Variants in APH1B observed in about 807,000 individuals in gnomAD.
APH1B encodes aph-1B gamma-secretase subunit.
Under a neutral mutation model 28.2 loss-of-function variants are expected in APH1B, and 27 were observed. The observed-to-expected ratio is 0.96, with a 90% CI of 0.70 to 1.32. The LOEUF is 1.32. APH1B is among the 40% of genes most tolerant of loss of function. The probability of loss-of-function intolerance (pLI) is 0.00; values close to 1 mark genes in which losing one functional copy is unlikely to be tolerated. For missense variants in APH1B, 305 were observed against 313.6 expected, an observed-to-expected ratio of 0.97 and a Z score of 0.21; for synonymous variants, 141 against 124.6, an observed-to-expected ratio of 1.13 and a Z score of -0.88.
Position 63,306,088 on chromosome 15 carries a change from A to G in APH1B, c.*307A>G, listed in dbSNP as rs200506623. 4 of 262,754 alleles carry G rather than the reference A, an allele frequency of 1.5e-5. No homozygotes were observed. The highest frequency in any genetic ancestry group is 9.2e-5 in the African/African-American group (4 of 43,544). 16.3% of individuals were successfully genotyped at this position (262,754 alleles called of 1,614,324 possible). A position where few individuals can be genotyped will look rare whatever the true frequency, so the allele number is the denominator to read the frequency against. Reference sequence around the variant, plus strand: ...AGCTTCCCAGGTGATTCTGATGTGCAGCCATGTTGAGACCCACTGGTTTGG... The same window carrying G: ...AGCTTCCCAGGTGATTCTGATGTGCGGCCATGTTGAGACCCACTGGTTTGG... On this transcript the variant is annotated 3_prime_UTR_variant, in exon 6 of 6. Coordinates refer to ENST00000261879, the MANE Select transcript of APH1B (RefSeq NM_031301.4).
Position 63,287,187 on chromosome 15 carries a change from T to G in APH1B, c.356-237T>G, listed in dbSNP as rs947332366. On this transcript the variant is annotated intron_variant, in intron 3 of 5. Coordinates refer to ENST00000261879, the MANE Select transcript of APH1B (RefSeq NM_031301.4). Reference sequence around the variant, plus strand: ...TCTTCTGTGCCTTTCTAGACCCTTTTCTCCCCTTTTTCATTACTCTGCTGC... The same window carrying G: ...TCTTCTGTGCCTTTCTAGACCCTTTGCTCCCCTTTTTCATTACTCTGCTGC... The G allele has an allele frequency of 1.1e-5, 5 of 436,962 alleles. No individual in the cohort carries two copies. In the Admixed American group the frequency reaches 1.2e-4, roughly 10 times the overall value. The allele number at this position is 436,962 out of a possible 1,614,324, so 27.1% of individuals were successfully genotyped here. A position where few individuals can be genotyped will look rare whatever the true frequency, so the allele number is the denominator to read the frequency against.
intron 4 of APH1B, among the ~76,000 whole-genome samples, chr15:63,288,447 A>C (rs942385921): frequency 6.6e-6 from 1 of 152,244 alleles, no homozygotes; most frequent in Non-Finnish European, 1.5e-5. Context: ...CACCATTCGC[A>C]GTAGACCCTT....
Position 63,279,343 on chromosome 15 carries a change from A to G in APH1B, c.284+12A>G, listed in dbSNP as rs760043086. On this transcript the variant is annotated intron_variant, in intron 2 of 5. Transcript: ENST00000261879. ...TATAAACTCTTAAAGTAAGTTAAAT[A>G]CCTGCCTTACCTTTTTTTTCCCCAG... The G allele has an allele frequency of 1.9e-6, 3 of 1,573,766 alleles. No individual in the cohort carries two copies. The highest frequency in any genetic ancestry group is 2.7e-5 in the African/African-American group (2 of 73,580).
intron 1 of APH1B, chr15:63,278,192 C>G (rs951844029): frequency 6.4e-5 from 27 of 419,610 alleles, no homozygotes; most frequent in Non-Finnish European, 9.5e-6. Context: ...TGCCCACCCC[C>G]ACCCCGATCC....
At chr15:63,277,801 A>G in intron 1 of APH1B, 65 bp downstream of exon 1, 1 of 1,483,698 alleles carries the variant, frequency 6.7e-7, no homozygotes, top group Non-Finnish European at 9.2e-7. Context: ...GTTACCCGCG[A>G]CCCTCGGCGC....
In APH1B at chr15:63,295,598, T is replaced by G. The variant is rs1464261746; in HGVS notation, c.479-6747T>G. On this transcript the variant is annotated intron_variant, in intron 4 of 5. Transcript: ENST00000261879. ...CTATTGACACCTGGGGCCAGATGATTCTTGGTTGGGGGCTGACATGTGTGT... is the reference window on the plus strand; with the variant it reads ...CTATTGACACCTGGGGCCAGATGATGCTTGGTTGGGGGCTGACATGTGTGT... Among the ~76,000 whole-genome samples the G allele has an allele frequency of 2.0e-5, 3 of 152,240 alleles. No individual in the cohort carries two copies. In the East Asian group the frequency reaches 5.8e-4, roughly 29 times the overall value.
chr15:63,300,081 T>C (rs2038609744), intron 4 of APH1B, among the ~76,000 whole-genome samples: 1 of 152,144 alleles, frequency 6.6e-6, no homozygotes, highest in Non-Finnish European at 1.5e-5. Context: ...AAAGATATGC[T>C]GATGATCTAA....
Position 63,303,291 on chromosome 15 carries a change from G to A in APH1B, c.606+819G>A, listed in dbSNP as rs576431412. Among the ~76,000 whole-genome samples, 5 of 152,294 alleles carry A rather than the reference G, an allele frequency of 3.3e-5. No homozygotes were observed. The East Asian group carries it at 5.8e-4, about 18-fold the overall frequency. On this transcript the variant is annotated intron_variant, in intron 5 of 5. Transcript: ENST00000261879. ...TGCCCCCACTGAGGGTGACCATGAC[G>A]CTGGCTTCAACACCACAGCTTGGTG...
intron 4 of APH1B, among the ~76,000 whole-genome samples, chr15:63,293,373 G>A (rs1322756728): frequency 2.0e-5 from 3 of 151,950 alleles, no homozygotes; most frequent in African/African-American, 7.3e-5. Flanking sequence ...CACCATGTAG[G>A]CCAGGCTGTT....
chr15:63,277,645 G>C lies in APH1B; in HGVS notation c.22G>C (p.Gly8Arg), dbSNP rs138159419. 5 of 1,597,460 alleles carry C rather than the reference G, an allele frequency of 3.1e-6. No homozygotes were observed. The highest frequency in any genetic ancestry group is 4.3e-6 in the Non-Finnish European group (5 of 1,172,798). The change falls in exon 1 of 6, where the codon GGC becomes CGC. Residue 8 changes from glycine to arginine, a missense_variant. Transcript: ENST00000261879. MTAAVFFGCAFIAFGPAL... is the reference protein window; with the variant it reads MTAAVFFRCAFIAFGPAL... ...GGCCATGACTGCGGCCGTGTTCTTC[G>C]GCTGCGCCTTCATTGCCTTCGGGCC...
At chr15:63,299,862 C>CG (rs1567032131) in intron 4 of APH1B, among the ~76,000 whole-genome samples, 1 of 151,754 alleles carries the variant, frequency 6.6e-6, no homozygotes, top group African/African-American at 2.4e-5. Flanking sequence ...GGCCAGAAAA[C>CG]GGAGAAGGTG....
In APH1B at chr15:63,307,444, G is replaced by A. The variant is rs2038697978; in HGVS notation, c.*1663G>A. 1 of 152,208 alleles carries A rather than the reference G, an allele frequency of 6.6e-6. No individual in the cohort carries two copies. Among genetic ancestry groups the A allele is most frequent in the South Asian group, 2.1e-4 (1 of 4,830 alleles). The allele number at this position is 152,208 out of a possible 1,614,324, so 9.4% of individuals were successfully genotyped here. Reference sequence around the variant, plus strand: ...GTAAACAGTCTGATAAGCGACTGTGGTTATTCCCCTAAAGTTTACTTCAGC... The same window carrying A: ...GTAAACAGTCTGATAAGCGACTGTGATTATTCCCCTAAAGTTTACTTCAGC... On this transcript the variant is annotated 3_prime_UTR_variant, in exon 6 of 6. Transcript: ENST00000261879.
Position 63,308,355 on chromosome 15 carries a change from T to G in APH1B, c.*2574T>G, listed in dbSNP as rs1416229513. On this transcript the variant is annotated 3_prime_UTR_variant, in exon 6 of 6. Coordinates refer to ENST00000261879, the MANE Select transcript of APH1B (RefSeq NM_031301.4). Reference sequence around the variant, plus strand: ...GAATTACTAGTTATAACTGGAGAAATTTTGTTACCTCTATCCTGGCTTGCC... The same window carrying G: ...GAATTACTAGTTATAACTGGAGAAAGTTTGTTACCTCTATCCTGGCTTGCC... 1 of 152,216 alleles carries G rather than the reference T, an allele frequency of 6.6e-6. No homozygotes were observed. The highest frequency in any genetic ancestry group is 2.4e-5 in the African/African-American group (1 of 41,462). 9.4% of individuals were successfully genotyped at this position (152,216 alleles called of 1,614,324 possible). A position where few individuals can be genotyped will look rare whatever the true frequency, so the allele number is the denominator to read the frequency against.
chr15:63,287,436 G>T lies in APH1B; in HGVS notation c.368G>T (p.Gly123Val). Residue 123 changes from glycine (G) to valine (V), a missense_variant, in exon 4 of 6, where the codon GGC (glycine) becomes GTC (valine). Transcript: ENST00000261879. ...TCTTCCTGTTTAGTTTCTGGCTTGG[G>T]CTTTGGAATCATGAGTGGAGTATTT... is the stretch of plus-strand genomic sequence containing the variant. ...MRLLAYVSGLGFGIMSGVFSF... is the reference protein window; with the variant it reads ...MRLLAYVSGLVFGIMSGVFSF... The T allele has an allele frequency of 6.2e-7, 1 of 1,613,724 alleles. No homozygotes were observed. Among genetic ancestry groups the T allele is most frequent in the Non-Finnish European group, 8.5e-7 (1 of 1,179,774 alleles).
chr15:63,294,336 G>A (rs1271851070), intron 4 of APH1B, among the ~76,000 whole-genome samples: 1 of 151,978 alleles, frequency 6.6e-6, no homozygotes, highest in African/African-American at 2.4e-5. Context: ...GTCTAGCCCC[G>A]CCCCCCGGCA....
At chr15:63,289,421 T>C (rs4984260) in intron 4 of APH1B, among the ~76,000 whole-genome samples, 144,946 of 152,286 alleles carry the variant, frequency 0.95, 69,008 homozygotes, top group Admixed American at 0.97. Flanking sequence ...ATATGTTTAG[T>C]ATACTCCATT....
intron 4 of APH1B, among the ~76,000 whole-genome samples, chr15:63,300,165 A>G (rs1247898786): frequency 1.3e-5 from 2 of 152,142 alleles, no homozygotes; most frequent in Admixed American, 1.3e-4. Context: ...GTCAGGGGTC[A>G]AGAAGCTCTG....
chr15:63,294,266 A>G (rs1164747086), intron 4 of APH1B, among the ~76,000 whole-genome samples: 7 of 152,126 alleles, frequency 4.6e-5, no homozygotes, highest in Non-Finnish European at 8.8e-5. Flanking sequence ...TATTAATTAC[A>G]TCTAATATTT....
chr15:63,278,019 A>G (rs2038344068), intron 1 of APH1B: 1 of 487,290 alleles, frequency 2.1e-6, no homozygotes, highest in East Asian at 3.8e-5. Context: ...ATAAGTTCAT[A>G]TATGCATCCT....
Sources: allele counts gnomAD v4.1 joint callset (sites outside exome capture counted in the v4.1 genomes callset), GRCh38; gene constraint gnomAD v4.1.1; transcripts MANE v1.5; gene names NCBI Gene and HGNC (gene_info 2026-07-23, HGNC 2026-07-21).